Variants in STK39 observed in about 807,000 individuals in gnomAD.
STK39 encodes the protein STE20/SPS1-related proline-alanine-rich protein kinase.
In STK39, 20 loss-of-function variants were observed where a neutral mutation model predicts 77.8. The ratio of observed to expected loss-of-function variants is 0.26; its 90% CI spans 0.18 to 0.37. The LOEUF (loss-of-function observed/expected upper bound fraction) is 0.37, where lower values mean the gene tolerates loss of function less well. Among genes scored for constraint, STK39 ranks in the 10% least tolerant of loss-of-function variants. STK39 has a pLI of 1.00. For synonymous variants in STK39, 246 were observed against 234.1 expected, an observed-to-expected ratio of 1.05 and a Z score of -0.47; for missense variants, 479 against 656.5, an observed-to-expected ratio of 0.73 and a Z score of 2.95.
chr2:168,182,673 T>C (rs1689109419), intron 1 of STK39, among the ~76,000 whole-genome samples: 4 of 152,168 alleles, frequency 2.6e-5, no homozygotes, highest in African/African-American at 7.2e-5. Context: ...ATTTCTAAGG[T>C]TTCATGATCA....
intron 10 of STK39, among the ~76,000 whole-genome samples, chr2:168,086,118 C>A (rs1200380520): frequency 6.6e-6 from 1 of 152,142 alleles, no homozygotes; most frequent in East Asian, 1.9e-4. Flanking sequence ...ATGTGTTGCA[C>A]AGAAATGGAT....
intron 12 of STK39, among the ~76,000 whole-genome samples, chr2:168,071,293 G>A (rs559977205): frequency 6.6e-6 from 1 of 151,942 alleles, no homozygotes; most frequent in African/African-American, 2.4e-5. Flanking sequence ...CCCAATTCAT[G>A]TCATCAGTGA....
At chr2:168,148,959 T>C (rs1042452312) in intron 5 of STK39, among the ~76,000 whole-genome samples, 1 of 152,190 alleles carries the variant, frequency 6.6e-6, no homozygotes, top group African/African-American at 2.4e-5. Flanking sequence ...TCCTCAAGCT[T>C]TACCATGAGG....
intron 1 of STK39, among the ~76,000 whole-genome samples, chr2:168,209,532 C>T (rs1371898318): frequency 2.0e-5 from 3 of 151,436 alleles, no homozygotes; most frequent in Admixed American, 6.6e-5. Flanking sequence ...CAAAATTAGC[C>T]GGGCACGGTG....
intron 8 of STK39, among the ~76,000 whole-genome samples, chr2:168,133,609 G>A (rs185961967): frequency 2.6e-5 from 4 of 152,248 alleles, no homozygotes; most frequent in Admixed American, 2.0e-4. Flanking sequence ...GCTCACACCT[G>A]TAATCCCAGC....
chr2:168,076,710 C>A (rs552260513), intron 10 of STK39, among the ~76,000 whole-genome samples: 1 of 151,982 alleles, frequency 6.6e-6, no homozygotes, highest in African/African-American at 2.4e-5. Context: ...TTTTCTCCAA[C>A]CCCTACCCCC....
chr2:168,113,642 C>T (rs887418238), intron 10 of STK39, among the ~76,000 whole-genome samples: 3 of 152,198 alleles, frequency 2.0e-5, no homozygotes, highest in African/African-American at 4.8e-5. Flanking sequence ...ATATGGCTTC[C>T]TCTCCAACAA....
intron 1 of STK39, among the ~76,000 whole-genome samples, chr2:168,215,126 T>A (rs914698769): frequency 6.6e-6 from 1 of 152,166 alleles, no homozygotes; most frequent in African/African-American, 2.4e-5. Flanking sequence ...CTTGCAACAG[T>A]GTGTGCCAAA....
At chr2:168,086,592 AT>A (rs1686373713) in intron 10 of STK39, among the ~76,000 whole-genome samples, 1 of 152,232 alleles carries the variant, frequency 6.6e-6, no homozygotes, top group Non-Finnish European at 1.5e-5. Context: ...TAGAAAAAAA[AT>A]TCTAGAGAAA....
At chr2:168,215,091 T>C (rs73031044) in intron 1 of STK39, among the ~76,000 whole-genome samples, 5,464 of 152,228 alleles carry the variant, frequency 0.036, 290 homozygotes, top group African/African-American at 0.12. Flanking sequence ...CGAATGAAGG[T>C]TTCACAATGA....
chr2:168,008,935 G>A (rs1684200214), intron 16 of STK39, among the ~76,000 whole-genome samples: 1 of 152,198 alleles, frequency 6.6e-6, no homozygotes, highest in South Asian at 2.1e-4. Flanking sequence ...CACAGACCAC[G>A]TGTCCTTTAC....
At chr2:168,110,531 C>A (rs1364188656) in intron 10 of STK39, among the ~76,000 whole-genome samples, 1 of 152,166 alleles carries the variant, frequency 6.6e-6, no homozygotes, top group Non-Finnish European at 1.5e-5. Flanking sequence ...AGTCACTGTG[C>A]CTTGCCAATA....
At chr2:168,034,783 A>T (rs1684911002) in intron 14 of STK39, among the ~76,000 whole-genome samples, 1 of 152,218 alleles carries the variant, frequency 6.6e-6, no homozygotes, top group Non-Finnish European at 1.5e-5. Context: ...TATTCTGAAC[A>T]TTAAAAACCA....
At position 168,247,586 on chromosome 2, in the gene STK39, G is replaced by A; in HGVS notation, c.-151C>T. The A allele has an allele frequency of 1.3e-5, 6 of 466,730 alleles. No individual in the cohort carries two copies. The highest frequency in any genetic ancestry group is 1.8e-5 in the Non-Finnish European group (6 of 336,386). 28.9% of individuals were successfully genotyped at this position (466,730 alleles called of 1,614,324 possible). ...CGTCCCCGCCGAAGCCAGCTAGGAG[G>A]GGAGGGAGCAAGGGAGGCCGAGCTG... is the stretch of plus-strand genomic sequence containing the variant. On this transcript the variant is annotated 5_prime_UTR_variant, in exon 1 of 18. Coordinates refer to ENST00000355999, the MANE Select transcript of STK39 (RefSeq NM_013233.3).
At chr2:168,097,200 A>G (rs1420920202) in intron 10 of STK39, among the ~76,000 whole-genome samples, 3 of 152,228 alleles carry the variant, frequency 2.0e-5, no homozygotes, top group Non-Finnish European at 4.4e-5. Flanking sequence ...TAGTCACTCA[A>G]ATCCTTTAAT....
At chr2:168,233,197 C>T (rs943718793) in intron 1 of STK39, among the ~76,000 whole-genome samples, 15 of 152,124 alleles carry the variant, frequency 9.9e-5, no homozygotes, top group African/African-American at 3.4e-4. Flanking sequence ...TTCAGCCACC[C>T]GACTCCTCAG....
chr2:168,219,696 C>T (rs960645391), intron 1 of STK39, among the ~76,000 whole-genome samples: 28 of 152,148 alleles, frequency 1.8e-4, no homozygotes, highest in African/African-American at 6.5e-4. Context: ...GCTCTCCTAC[C>T]AATCTCAGTG....
At chr2:168,105,905 A>C (rs1686958426) in intron 10 of STK39, among the ~76,000 whole-genome samples, 1 of 152,240 alleles carries the variant, frequency 6.6e-6, no homozygotes, top group South Asian at 2.1e-4. Context: ...GGTTTCATTT[A>C]AGGCAGGGTT....
At chr2:168,226,686 G>T (rs1223754787) in intron 1 of STK39, among the ~76,000 whole-genome samples, 3 of 145,502 alleles carry the variant, frequency 2.1e-5, no homozygotes, top group Non-Finnish European at 4.5e-5. Flanking sequence ...GGGTCAAATC[G>T]GGAATAAGGC....
Sources: allele counts gnomAD v4.1 joint callset (sites outside exome capture counted in the v4.1 genomes callset), GRCh38; gene constraint gnomAD v4.1.1; transcripts MANE v1.5; gene names NCBI Gene and HGNC (gene_info 2026-07-23, HGNC 2026-07-21).